HPSE2: variants seen among roughly 807,000 people sequenced by gnomAD.
The protein encoded by HPSE2 is heparanase 2 (inactive).
In HPSE2, 38 loss-of-function variants were observed where a neutral mutation model predicts 60.5. The ratio of observed to expected loss-of-function variants is 0.63; its 90% CI spans 0.48 to 0.82. The LOEUF is 0.82. Among genes scored for constraint, HPSE2 ranks in the 40% least tolerant of loss-of-function variants. The pLI, the probability that HPSE2 is intolerant of heterozygous loss-of-function variation, is 0.00. For missense variants in HPSE2, 713 were observed against 740.4 expected, an observed-to-expected ratio of 0.96 and a Z score of 0.43; for synonymous variants, 295 against 293.2, an observed-to-expected ratio of 1.01 and a Z score of -0.06.
At chr10:98,958,995 C>T (rs1031037476) in intron 3 of HPSE2, among the ~76,000 whole-genome samples, 1 of 151,964 alleles carries the variant, frequency 6.6e-6, no homozygotes, top group Non-Finnish European at 1.5e-5. Flanking sequence ...GGAAAAATAT[C>T]TATTTTAAAG....
chr10:98,930,480 T>C (rs1236756743), intron 3 of HPSE2, among the ~76,000 whole-genome samples: 1 of 144,690 alleles, frequency 6.9e-6, no homozygotes, highest in Admixed American at 6.9e-5. Context: ...GAATGATCTA[T>C]ATTCCTTTGG....
chr10:98,823,195 C>G (rs139459845), intron 3 of HPSE2, among the ~76,000 whole-genome samples: 4 of 152,310 alleles, frequency 2.6e-5, no homozygotes, highest in African/African-American at 7.2e-5. Context: ...GGAAGGAACA[C>G]AGCTGTGGAG....
chr10:99,117,862 T>C (rs947152397), intron 3 of HPSE2, among the ~76,000 whole-genome samples: 2 of 152,148 alleles, frequency 1.3e-5, no homozygotes, highest in African/African-American at 4.8e-5. Flanking sequence ...CCTAACTCAT[T>C]CTAGGAGGCC....
At chr10:98,759,908 T>A (rs1949967231) in intron 3 of HPSE2, among the ~76,000 whole-genome samples, 1 of 152,136 alleles carries the variant, frequency 6.6e-6, no homozygotes, top group South Asian at 2.1e-4. Flanking sequence ...ACAATATTAT[T>A]TGAATTCATA....
intron 3 of HPSE2, among the ~76,000 whole-genome samples, chr10:99,057,892 C>T (rs2135515938): frequency 6.9e-6 from 1 of 144,986 alleles, no homozygotes; most frequent in Admixed American, 7.2e-5. Flanking sequence ...TCTTACAAGA[C>T]AAGTGAACGC....
At chr10:98,783,006 T>C (rs1000653099) in intron 3 of HPSE2, among the ~76,000 whole-genome samples, 3 of 116,042 alleles carry the variant, frequency 2.6e-5, no homozygotes, top group Non-Finnish European at 3.5e-5. Flanking sequence ...TAGTTACATA[T>C]GTATACATGT....
intron 3 of HPSE2, among the ~76,000 whole-genome samples, chr10:99,033,729 G>A (rs1199524606): frequency 1.3e-5 from 2 of 151,956 alleles, no homozygotes; most frequent in East Asian, 3.9e-4. Context: ...CTTGCAGTAA[G>A]CCAAGATGGC....
intron 9 of HPSE2, among the ~76,000 whole-genome samples, chr10:98,511,452 G>A (rs1012490313): frequency 6.6e-6 from 1 of 151,932 alleles, no homozygotes; most frequent in Admixed American, 6.6e-5. Flanking sequence ...GCCCAGCCAT[G>A]TGTTGCTGTT....
intron 2 of HPSE2, among the ~76,000 whole-genome samples, chr10:99,182,534 A>G (rs930743284): frequency 6.6e-6 from 1 of 152,216 alleles, no homozygotes; most frequent in African/African-American, 2.4e-5. Flanking sequence ...AAATATAAAA[A>G]GATCCAAAGT....
In HPSE2 at chr10:98,939,155, G is replaced by A. The variant is rs1201424057; in HGVS notation, c.611-195099C>T. Among the ~76,000 whole-genome samples the A allele has an allele frequency of 7.0e-5, 10 of 143,762 alleles. 1 individual carries two copies. The East Asian group carries it at 1.6e-3, about 23-fold the overall frequency. The allele number at this position is 143,762 out of a possible 152,430, so 94.3% of individuals were successfully genotyped here. On this transcript the variant is annotated intron_variant, in intron 3 of 11. Coordinates refer to ENST00000370552, the MANE Select transcript of HPSE2 (RefSeq NM_021828.5). ...CATGGCAAATTGTAAAGACCATCGA[G>A]GCTAGGAAGAAACTGCATCAACTAA...
At chr10:98,941,581 G>T (rs1476777969) in intron 3 of HPSE2, among the ~76,000 whole-genome samples, 5 of 141,218 alleles carry the variant, frequency 3.5e-5, no homozygotes, top group Non-Finnish European at 7.5e-5. Context: ...AATAAAAGAG[G>T]ATACAAACAA....
intron 9 of HPSE2, among the ~76,000 whole-genome samples, chr10:98,532,492 G>T (rs1171481765): frequency 6.6e-6 from 1 of 152,070 alleles, no homozygotes; most frequent in East Asian, 1.9e-4. Context: ...CTACCTCAGG[G>T]GGTTACTGAG....
chr10:98,914,569 G>GTACTT (rs1331734901), intron 3 of HPSE2, among the ~76,000 whole-genome samples: 3 of 148,442 alleles, frequency 2.0e-5, no homozygotes, highest in Non-Finnish European at 4.4e-5. Flanking sequence ...CAGGGCAACT[G>GTACTT]TACTTGGTAA....
rs928461465 is a variant in HPSE2 at position 98,814,097 on chromosome 10, A to C, written c.611-70041T>G. ...GCAAGAGTTTGAATTTGTTTTACCC[A>C]AAAGGCCTTGGCCTTTCCACTATAC... On this transcript the variant is annotated intron_variant, in intron 3 of 11. Coordinates refer to ENST00000370552, the MANE Select transcript of HPSE2 (RefSeq NM_021828.5). 3.9e-4 allele frequency among the ~76,000 whole-genome samples: 60 copies of C among 152,312 alleles called. 2 individuals are homozygous for C. Among genetic ancestry groups the C allele is most frequent in the African/African-American group, 1.4e-3 (60 of 41,580 alleles).
At chr10:99,178,639 A>G (rs1198559884) in intron 2 of HPSE2, among the ~76,000 whole-genome samples, 1 of 152,192 alleles carries the variant, frequency 6.6e-6, no homozygotes, top group African/African-American at 2.4e-5. Flanking sequence ...TAGCCTACCA[A>G]CCAAAAAAAG....
chr10:99,060,996 A>AT lies in HPSE2; in HGVS notation c.610+83241dup, dbSNP rs1159718103. ...GTCAGGATAGTTAATAAAAATTTAA[A>AT]TTTTTTTTTTATTTAAAAAAGTTTA... On this transcript the variant is annotated intron_variant, in intron 3 of 11. Coordinates refer to ENST00000370552, the MANE Select transcript of HPSE2 (RefSeq NM_021828.5). 6.6e-4 allele frequency among the ~76,000 whole-genome samples: 100 copies of AT among 150,914 alleles called. 1 individual carries two copies. In the East Asian group the frequency reaches 0.017, roughly 25 times the overall value.
At chr10:99,080,909 T>A (rs951645829) in intron 3 of HPSE2, among the ~76,000 whole-genome samples, 1 of 152,234 alleles carries the variant, frequency 6.6e-6, no homozygotes, top group Non-Finnish European at 1.5e-5. Flanking sequence ...ATCTCTTATA[T>A]AATGCTGACT....
the HPSE2 span, among the ~76,000 whole-genome samples, chr10:99,240,878 T>C: frequency 6.6e-6 from 1 of 152,154 alleles, no homozygotes; most frequent in African/African-American, 2.4e-5. Flanking sequence ...AGCTGTCTAA[T>C]AGAAATTTTA....
intron 9 of HPSE2, among the ~76,000 whole-genome samples, chr10:98,514,949 C>T: frequency 6.6e-6 from 1 of 151,864 alleles, no homozygotes; most frequent in Non-Finnish European, 1.5e-5. Context: ...GTCTCGAGCT[C>T]CTGACCTCAG....
Sources: allele counts gnomAD v4.1 joint callset (sites outside exome capture counted in the v4.1 genomes callset), GRCh38; gene constraint gnomAD v4.1.1; transcripts MANE v1.5; gene names NCBI Gene and HGNC (gene_info 2026-07-23, HGNC 2026-07-21).